The following NTRK3 variants were observed in gnomAD, a reference collection of about 807,000 sequenced individuals.
The protein encoded by NTRK3 is NT-3 growth factor receptor.
In NTRK3, 24 loss-of-function variants were observed where a neutral mutation model predicts 91.7. That is an observed-to-expected ratio of 0.26 (90% CI 0.19 to 0.37). The LOEUF (loss-of-function observed/expected upper bound fraction) is 0.37. NTRK3 is among the 10% of genes least tolerant of loss of function. The pLI is 1.00. For synonymous variants in NTRK3, 483 were observed against 404.0 expected, an observed-to-expected ratio of 1.20 and a Z score of -2.34; for missense variants, 880 against 1,068.9, an observed-to-expected ratio of 0.82 and a Z score of 2.46.
chr15:88,193,835 A>G (rs977541347), intron 3 of NTRK3, among the ~76,000 whole-genome samples: 1 of 152,208 alleles, frequency 6.6e-6, no homozygotes, highest in Non-Finnish European at 1.5e-5. Flanking sequence ...TACAAAAAGA[A>G]AAAAAACCTC....
intron 13 of NTRK3, among the ~76,000 whole-genome samples, chr15:88,121,315 T>C (rs1465782917): frequency 2.6e-5 from 4 of 152,144 alleles, no homozygotes; most frequent in Admixed American, 2.0e-4. Flanking sequence ...ATGTGGACAG[T>C]GTGCAGCCAA....
chr15:88,250,821 C>G (rs1042536493), intron 3 of NTRK3, among the ~76,000 whole-genome samples: 9 of 152,240 alleles, frequency 5.9e-5, no homozygotes, highest in Non-Finnish European at 7.3e-5. Context: ...ACCCCAAACA[C>G]TCATATTTAT....
chr15:87,998,715 T>C (rs1171777021), intron 14 of NTRK3, among the ~76,000 whole-genome samples: 1 of 152,210 alleles, frequency 6.6e-6, no homozygotes, highest in Non-Finnish European at 1.5e-5. Flanking sequence ...ATAGCCATTA[T>C]GCCAACCAAG....
intron 3 of NTRK3, among the ~76,000 whole-genome samples, chr15:88,193,378 A>C (rs1304171077): frequency 6.6e-6 from 1 of 152,084 alleles, no homozygotes; most frequent in Non-Finnish European, 1.5e-5. Flanking sequence ...AGGGCCCCAT[A>C]TCCAGAGCTC....
chr15:87,885,319 T>C (rs1290549182), intron 17 of NTRK3, among the ~76,000 whole-genome samples: 1 of 151,952 alleles, frequency 6.6e-6, no homozygotes, highest in Non-Finnish European at 1.5e-5. Context: ...TATACATATT[T>C]CATTTCTTCT....
At chr15:88,226,425 C>T (rs2050683045) in intron 3 of NTRK3, among the ~76,000 whole-genome samples, 1 of 152,200 alleles carries the variant, frequency 6.6e-6, no homozygotes, top group Non-Finnish European at 1.5e-5. Context: ...CCTGAGATGC[C>T]GGGGAAGGCC....
chr15:88,087,534 G>GT, intron 13 of NTRK3, among the ~76,000 whole-genome samples: 1 of 152,282 alleles, frequency 6.6e-6, no homozygotes, highest in South Asian at 2.1e-4. Context: ...GTGTAGGCAG[G>GT]AACATTACCT....
intron 3 of NTRK3, among the ~76,000 whole-genome samples, chr15:88,220,988 T>C (rs1254231655): frequency 2.0e-5 from 3 of 152,212 alleles, no homozygotes; most frequent in Admixed American, 2.0e-4. Context: ...GGAATGGGGC[T>C]CAGTTCTCTG....
At chr15:87,945,041 G>C (rs959241567) in intron 14 of NTRK3, among the ~76,000 whole-genome samples, 5 of 152,226 alleles carry the variant, frequency 3.3e-5, no homozygotes. Flanking sequence ...TGGCCCAGCA[G>C]AGTCTGGGTC....
At chr15:88,075,181 C>T (rs1382553603) in intron 13 of NTRK3, among the ~76,000 whole-genome samples, 1 of 152,188 alleles carries the variant, frequency 6.6e-6, no homozygotes, top group Non-Finnish European at 1.5e-5. Context: ...TCAGCTGGGC[C>T]TCCCTGCCAT....
intron 17 of NTRK3, chr15:87,916,504 T>C (rs974764157): frequency 1.4e-6 from 1 of 702,268 alleles, no homozygotes; most frequent in African/African-American, 1.7e-5. Context: ...CAGAATTTTC[T>C]TATGGGGCAT....
intron 13 of NTRK3, among the ~76,000 whole-genome samples, chr15:88,102,833 C>T (rs897893146): frequency 2.0e-5 from 3 of 152,156 alleles, no homozygotes; most frequent in Non-Finnish European, 4.4e-5. Context: ...TCCGACCACC[C>T]TTCAAGGCCT....
At chr15:87,931,125 T>C (rs1235726916) in intron 16 of NTRK3, 1 of 456,622 alleles carries the variant, frequency 2.2e-6, no homozygotes, top group African/African-American at 2.0e-5. Flanking sequence ...TCACTCTTTA[T>C]TTCCCTCCTA....
At chr15:87,964,358 T>C (rs2072594617) in intron 14 of NTRK3, among the ~76,000 whole-genome samples, 1 of 150,978 alleles carries the variant, frequency 6.6e-6, no homozygotes, top group South Asian at 2.1e-4. Flanking sequence ...AAAGTTTACA[T>C]ATATTATATA....
intron 13 of NTRK3, among the ~76,000 whole-genome samples, chr15:88,036,069 A>C (rs1028417576): frequency 8.5e-5 from 13 of 152,186 alleles, no homozygotes; most frequent in Admixed American, 1.3e-4. Context: ...GACAGGGAAA[A>C]TGAATATGAA....
intron 13 of NTRK3, among the ~76,000 whole-genome samples, chr15:88,035,804 T>C (rs968341857): frequency 1.3e-5 from 2 of 152,072 alleles, no homozygotes; most frequent in African/African-American, 4.8e-5. Flanking sequence ...TCCTCAGAGA[T>C]GTCAGTGAAA....
At chr15:87,902,392 G>A (rs181616574) in intron 17 of NTRK3, among the ~76,000 whole-genome samples, 1 of 152,320 alleles carries the variant, frequency 6.6e-6, no homozygotes, top group African/African-American at 2.4e-5. Flanking sequence ...GTGTTCAACT[G>A]TGGCAGCATT....
At chr15:88,155,846 A>G (rs1346904785) in intron 5 of NTRK3, among the ~76,000 whole-genome samples, 2 of 151,662 alleles carry the variant, frequency 1.3e-5, no homozygotes, top group Non-Finnish European at 1.5e-5. Flanking sequence ...CTATCTATCT[A>G]TATAAATGAG....
intron 13 of NTRK3, among the ~76,000 whole-genome samples, chr15:88,075,259 T>C (rs1447821853): frequency 1.3e-5 from 2 of 152,164 alleles, no homozygotes; most frequent in African/African-American, 4.8e-5. Context: ...TGAGCCACCA[T>C]CCACAGGGTC....
Sources: gnomAD v4.1 joint callset for allele counts (sites outside exome capture counted in the v4.1 genomes callset) on GRCh38, gnomAD v4.1.1 for gene constraint, MANE v1.5 for transcripts, NCBI Gene and HGNC (gene_info 2026-07-23, HGNC 2026-07-21) for gene names.